The following MAN2A1 variants were observed in gnomAD, a reference collection of about 807,000 sequenced individuals.
MAN2A1 encodes the protein mannosidase alpha class 2A member 1, also known as alpha-mannosidase 2.
Under a neutral mutation model 142.6 loss-of-function variants are expected in MAN2A1, and 76 were observed. That is an observed-to-expected ratio of 0.53 (90% confidence interval 0.44 to 0.65). The LOEUF (loss-of-function observed/expected upper bound fraction) is 0.65. MAN2A1 is among the 30% of genes least tolerant of loss of function. MAN2A1 has a pLI of 0.00. For missense variants in MAN2A1, 1,311 were observed against 1,365.1 expected, an observed-to-expected ratio of 0.96 and a Z score of 0.62; for synonymous variants, 559 against 473.2, an observed-to-expected ratio of 1.18 and a Z score of -2.35.
chr5:109,850,430 G>A (rs779691933), intron 19 of MAN2A1, among the ~76,000 whole-genome samples: 1 of 152,104 alleles, frequency 6.6e-6, no homozygotes, highest in Non-Finnish European at 1.5e-5. Context: ...AATAGCAACA[G>A]CTAATTAAAG....
In MAN2A1 at chr5:109,699,514, G is replaced by A. The variant is rs558672112; in HGVS notation, c.135+8962G>A. 3 of 152,314 alleles carry A rather than the reference G, an allele frequency of 2.0e-5. No individual in the cohort carries two copies. The South Asian group carries it at 6.2e-4, about 32-fold the overall frequency. 9.4% of individuals were successfully genotyped at this position (152,314 alleles called of 1,614,324 possible). On this transcript the variant is annotated intron_variant, in intron 1 of 21. Transcript: ENST00000261483. ...AATAAATAAGTGATGTAATGCATAT[G>A]TTAATTAGCTTGATTTAGCATTCTA... is the stretch of plus-strand genomic sequence containing the variant.
At chr5:109,723,560 G>GT (rs1346692303) in intron 3 of MAN2A1, among the ~76,000 whole-genome samples, 3 of 152,006 alleles carry the variant, frequency 2.0e-5, no homozygotes, top group Non-Finnish European at 4.4e-5. Flanking sequence ...CTCATTTTCT[G>GT]TTTCTCTGCT....
chr5:109,846,921 T>C (rs1755358072), intron 18 of MAN2A1, among the ~76,000 whole-genome samples: 1 of 152,198 alleles, frequency 6.6e-6, no homozygotes, highest in Non-Finnish European at 1.5e-5. Context: ...GGTTAGAGAC[T>C]TGAGCAAACT....
chr5:109,851,671 C>G (rs10040319), intron 19 of MAN2A1, among the ~76,000 whole-genome samples: 45,526 of 151,728 alleles, frequency 0.3, 7,007 homozygotes, highest in Middle Eastern at 0.34. Context: ...GTTATGGCAG[C>G]AGAAAATGGA....
At chr5:109,731,777 T>A (rs1460235034) in intron 4 of MAN2A1, among the ~76,000 whole-genome samples, 1 of 151,762 alleles carries the variant, frequency 6.6e-6, no homozygotes, top group African/African-American at 2.4e-5. Context: ...GACATTTGGA[T>A]TGGCTCCAAG....
At chr5:109,713,986 A>G (rs184480398) in intron 2 of MAN2A1, among the ~76,000 whole-genome samples, 3 of 152,138 alleles carry the variant, frequency 2.0e-5, no homozygotes, top group East Asian at 3.9e-4. Flanking sequence ...TTATCTTACT[A>G]TTTTATACTT....
chr5:109,785,664 G>A (rs1349262714), intron 10 of MAN2A1, among the ~76,000 whole-genome samples: 1 of 152,058 alleles, frequency 6.6e-6, no homozygotes, highest in East Asian at 1.9e-4. Context: ...GTAGTAGGGA[G>A]TTCTCTATCC....
chr5:109,765,164 T>TC (rs1165468476), intron 5 of MAN2A1, among the ~76,000 whole-genome samples: 1 of 152,172 alleles, frequency 6.6e-6, no homozygotes, highest in South Asian at 2.1e-4. Flanking sequence ...AAGCCGCTTT[T>TC]CCCCCCACCC....
intron 3 of MAN2A1, among the ~76,000 whole-genome samples, chr5:109,717,005 G>A (rs1751474182): frequency 6.6e-6 from 1 of 152,080 alleles, no homozygotes; most frequent in Admixed American, 6.6e-5. Flanking sequence ...TGGGACATAG[G>A]ATTTGATATA....
In MAN2A1 at chr5:109,784,906, G is replaced by A. The variant is rs200297488; in HGVS notation, c.1740G>A (p.Val580=). Residue 580 remains valine (V), a synonymous_variant, in exon 10 of 22, where the codon GTG becomes GTA. Transcript: ENST00000261483. ...TCACAGGAACTGCAAAAGACTGGGT[G>A]GTTGTGGATTATGGTACCAGGTAAT... ...DAITGTAKDW[V]VVDYGTRLFH... The A allele has an allele frequency of 1.5e-5, 24 of 1,594,108 alleles. No individual in the cohort carries two copies. The East Asian group carries it at 4.7e-4, about 31-fold the overall frequency.
chr5:109,835,137 G>T (rs774949092), intron 16 of MAN2A1, among the ~76,000 whole-genome samples: 3 of 152,146 alleles, frequency 2.0e-5, no homozygotes, highest in Non-Finnish European at 4.4e-5. Context: ...AGCTAAGTTG[G>T]ATAAAGTTTA....
chr5:109,740,672 C>G (rs1752243335), intron 4 of MAN2A1, among the ~76,000 whole-genome samples: 1 of 152,232 alleles, frequency 6.6e-6, no homozygotes, highest in Admixed American at 6.5e-5. Context: ...CAAGACTCAG[C>G]TTTGCCTCAG....
At chr5:109,757,113 T>C (rs1039867400) in intron 5 of MAN2A1, among the ~76,000 whole-genome samples, 2 of 152,194 alleles carry the variant, frequency 1.3e-5, no homozygotes, top group Non-Finnish European at 2.9e-5. Context: ...CAGATTTTTT[T>C]TTCTCATTTC....
At chr5:109,866,410 T>A (rs1364735015) in intron 21 of MAN2A1, among the ~76,000 whole-genome samples, 1 of 152,022 alleles carries the variant, frequency 6.6e-6, no homozygotes, top group East Asian at 1.9e-4. Flanking sequence ...CAGGAAAAAG[T>A]GGTTGAGGAC....
chr5:109,740,802 A>C (rs1752247573), intron 4 of MAN2A1, among the ~76,000 whole-genome samples: 2 of 152,150 alleles, frequency 1.3e-5, no homozygotes, highest in Admixed American at 1.3e-4. Context: ...GAATTATTTC[A>C]GTTTTACTTT....
chr5:109,818,177 G>A (rs1227255967), intron 13 of MAN2A1, among the ~76,000 whole-genome samples: 1 of 152,026 alleles, frequency 6.6e-6, no homozygotes, highest in Non-Finnish European at 1.5e-5. Context: ...TTTCGCTCTT[G>A]TTGCCCAGGC....
intron 4 of MAN2A1, 61 bp from the exon 5 acceptor site, chr5:109,755,265 TTAG>T: frequency 7.9e-7 from 1 of 1,272,366 alleles, no homozygotes; most frequent in Non-Finnish European, 1.1e-6. Context: ...TTATGCTTGT[TTAG>T]TTTTTCATTT....
At chr5:109,723,034 G>T (rs148240088) in intron 3 of MAN2A1, among the ~76,000 whole-genome samples, 137 of 152,190 alleles carry the variant, frequency 9.0e-4, no homozygotes, top group Middle Eastern at 3.4e-3. Flanking sequence ...CACAATTGCA[G>T]CTATGAGAAA....
intron 20 of MAN2A1, among the ~76,000 whole-genome samples, chr5:109,860,533 G>A (rs909495154): frequency 6.6e-6 from 1 of 152,188 alleles, no homozygotes; most frequent in Non-Finnish European, 1.5e-5. Flanking sequence ...GGGGTCCCAT[G>A]CATCCTGGAG....
Sources: gnomAD v4.1 joint callset for allele counts (sites outside exome capture counted in the v4.1 genomes callset) on GRCh38, gnomAD v4.1.1 for gene constraint, MANE v1.5 for transcripts, NCBI Gene and HGNC (gene_info 2026-07-23, HGNC 2026-07-21) for gene names.